Variants in PCDHA7 observed in about 807,000 individuals in gnomAD.
PCDHA7 encodes the protein protocadherin alpha-7.
In PCDHA7, 37 loss-of-function variants were observed where a neutral mutation model predicts 57.2. That is an observed-to-expected ratio of 0.65 (90% CI 0.50 to 0.85). The LOEUF (loss-of-function observed/expected upper bound fraction) is 0.85, where lower values mean the gene tolerates loss of function less well. Ranked by LOEUF, PCDHA7 falls within the 40% of genes least tolerant of loss-of-function variation. The pLI is 0.00. For synonymous variants in PCDHA7, 553 were observed against 558.8 expected, an observed-to-expected ratio of 0.99 and a Z score of 0.15; for missense variants, 1,188 against 1,241.8, an observed-to-expected ratio of 0.96 and a Z score of 0.65.
Position 140,835,837 on chromosome 5 carries a change from A to C in PCDHA7, c.1454A>C (p.Gln485Pro). Residue 485 changes from glutamine to proline, a missense_variant, in exon 1 of 4, where the codon CAG (glutamine) becomes CCG (proline). Physicochemically the swap from Gln to Pro is moderately conservative, Grantham distance 76. Around this residue, in one of 3 missense-constraint regions of PCDHA7, gnomAD observed 892 missense variants for 788.5 expected, o/e 1.13. Transcript: ENST00000525929. The part of the protein sequence containing the change: ...FTVSAGDADA[Q>P]KNALVSYSLV... ...GTGTCGGCGGGGGACGCGGACGCGC[A>C]GAAGAACGCGCTGGTGTCCTACTCG... 6.2e-7 allele frequency: 1 copy of C among 1,612,374 alleles called. No individual in the cohort carries two copies. The highest frequency in any genetic ancestry group is 8.5e-7 in the Non-Finnish European group (1 of 1,179,654).
At chr5:140,920,609 G>C (rs1319890021) in intron 1 of PCDHA7, among the ~76,000 whole-genome samples, 1 of 152,160 alleles carries the variant, frequency 6.6e-6, no homozygotes. Flanking sequence ...ACTTTGGGAG[G>C]CCGAGGCGGA....
chr5:140,876,827 C>G, intron 1 of PCDHA7: 1 of 1,614,182 alleles, frequency 6.2e-7, no homozygotes, highest in Non-Finnish European at 8.5e-7. Flanking sequence ...AACGACAATG[C>G]GCCTGCGTTC....
intron 1 of PCDHA7, among the ~76,000 whole-genome samples, chr5:140,885,665 G>A (rs2060682140): frequency 6.6e-6 from 1 of 152,114 alleles, no homozygotes; most frequent in Non-Finnish European, 1.5e-5. Flanking sequence ...CCAGTTATGA[G>A]CACTCTTTCT....
In PCDHA7 at chr5:140,836,371, C is replaced by T; in HGVS notation, c.1988C>T (p.Ala663Val). The T allele has an allele frequency of 6.2e-7, 1 of 1,613,708 alleles. No homozygotes were observed. The change falls in exon 1 of 4, where the codon GCC becomes GTC. Residue 663 changes from alanine to valine, a missense_variant. Ala to Val is a moderately conservative substitution (Grantham distance 64). Transcript: ENST00000525929. ...DHGEPSLTAT[A>V]TVLVSLVESG... ...GGGGAGCCCTCGCTGACAGCCACAGCCACCGTGCTGGTGTCGCTGGTGGAA... is the reference window on the plus strand; with the variant it reads ...GGGGAGCCCTCGCTGACAGCCACAGTCACCGTGCTGGTGTCGCTGGTGGAA...
At chr5:140,915,814 A>G (rs2077313905) in intron 1 of PCDHA7, among the ~76,000 whole-genome samples, 1 of 152,102 alleles carries the variant, frequency 6.6e-6, no homozygotes, top group African/African-American at 2.4e-5. Flanking sequence ...TGTTCACTCA[A>G]GGCCCTAGGG....
intron 1 of PCDHA7, chr5:140,864,231 T>C (rs949424981): frequency 6.6e-6 from 1 of 152,222 alleles, no homozygotes; most frequent in East Asian, 1.9e-4. Flanking sequence ...AAGCAAGTTC[T>C]TTATTCCTAT....
At chr5:140,883,957 G>T (rs879988838) in intron 1 of PCDHA7, 1 of 1,613,246 alleles carries the variant, frequency 6.2e-7, no homozygotes, top group Non-Finnish European at 8.5e-7. Context: ...ACAACGCTCC[G>T]GCGCTGCTGA....
chr5:140,876,560 C>T (rs2056422143), intron 1 of PCDHA7: 2 of 1,614,068 alleles, frequency 1.2e-6, no homozygotes, highest in African/African-American at 2.7e-5. Flanking sequence ...CAAGAGGATG[C>T]TCAGGTGGGT....
Position 140,920,446 on chromosome 5 carries a change from A to G in PCDHA7, c.2356-58503A>G, listed in dbSNP as rs2079636964. 2.6e-5 allele frequency among the ~76,000 whole-genome samples: 4 copies of G among 152,114 alleles called. No homozygotes were observed. In the South Asian group the frequency reaches 8.3e-4, roughly 31 times the overall value. On this transcript the variant is annotated intron_variant, in intron 1 of 3. Coordinates refer to ENST00000525929, the MANE Select transcript of PCDHA7 (RefSeq NM_018910.3). ...CTCCCACACACCTCTTTTATACTGT[A>G]ATTGACAAATTTGTTATATTTCTGT...
At chr5:140,889,156 G>T in intron 1 of PCDHA7, among the ~76,000 whole-genome samples, 1 of 150,034 alleles carries the variant, frequency 6.7e-6, no homozygotes, top group Admixed American at 6.6e-5. Flanking sequence ...TTTCTTCTTT[G>T]TTAAGTATTC....
chr5:140,967,980 A>G (rs1554230169), intron 1 of PCDHA7: 1 of 1,614,198 alleles, frequency 6.2e-7, no homozygotes, highest in African/African-American at 1.3e-5. Context: ...CTGGGTCTGG[A>G]GGCCACACTG....
At chr5:140,989,890 G>A (rs368567650) in intron 3 of PCDHA7, among the ~76,000 whole-genome samples, 5 of 151,974 alleles carry the variant, frequency 3.3e-5, no homozygotes, top group Middle Eastern at 3.4e-3. Context: ...TGGAGTCTCC[G>A]TTATTCACAA....
chr5:140,921,102 T>G (rs1300756897), intron 1 of PCDHA7, among the ~76,000 whole-genome samples: 1 of 152,028 alleles, frequency 6.6e-6, no homozygotes, highest in Non-Finnish European at 1.5e-5. Context: ...TGCCTCAGTC[T>G]CCTAAGTAGC....
intron 1 of PCDHA7, chr5:140,967,690 C>G (rs782694266): frequency 6.2e-7 from 1 of 1,614,190 alleles, no homozygotes; most frequent in Non-Finnish European, 8.5e-7. Flanking sequence ...GGCAGCTCTT[C>G]AGCATAGATG....
chr5:140,938,293 C>G (rs896897734), intron 1 of PCDHA7, among the ~76,000 whole-genome samples: 1 of 152,110 alleles, frequency 6.6e-6, no homozygotes, highest in African/African-American at 2.4e-5. Flanking sequence ...CTGTCATTGC[C>G]TATGAAATTC....
chr5:140,925,806 C>A (rs2082736423), intron 1 of PCDHA7, among the ~76,000 whole-genome samples: 1 of 152,148 alleles, frequency 6.6e-6, no homozygotes, highest in South Asian at 2.1e-4. Flanking sequence ...TTCCCCTCCA[C>A]TTCTCACGTC....
At chr5:140,957,398 T>A (rs1162675184) in intron 1 of PCDHA7, among the ~76,000 whole-genome samples, 1 of 152,186 alleles carries the variant, frequency 6.6e-6, no homozygotes, top group Non-Finnish European at 1.5e-5. Flanking sequence ...ATTGTCCTAA[T>A]TTATTATTAT....
In PCDHA7 at chr5:140,853,931, G is replaced by T. The variant is rs2042911351; in HGVS notation, c.2355+17193G>T. The T allele has an allele frequency of 3.5e-6, 3 of 868,826 alleles. No homozygotes were observed. The South Asian group carries it at 1.6e-4, about 45-fold the overall frequency. The allele number at this position is 868,826 out of a possible 1,614,324, so 53.8% of individuals were successfully genotyped here. A position where few individuals can be genotyped will look rare whatever the true frequency, so the allele number is the denominator to read the frequency against. ...CACCTGCAATCCCAACATTTTGGGA[G>T]GCCAAGGTGGGAGGGTCCCTTCCTT... On this transcript the variant is annotated intron_variant, in intron 1 of 3. Coordinates refer to ENST00000525929, the MANE Select transcript of PCDHA7 (RefSeq NM_018910.3).
At chr5:141,009,107 G>A (rs1329490009) in intron 3 of PCDHA7, among the ~76,000 whole-genome samples, 6 of 152,180 alleles carry the variant, frequency 3.9e-5, no homozygotes, top group African/African-American at 1.4e-4. Flanking sequence ...ATGTTACTAT[G>A]AAACTAGATT....
Sources: gnomAD v4.1 joint callset for allele counts (sites outside exome capture counted in the v4.1 genomes callset) on GRCh38, gnomAD v4.1.1 for gene constraint, gnomAD v4.1.1 regional missense constraint, MANE v1.5 for transcripts, NCBI Gene and HGNC (gene_info 2026-07-23, HGNC 2026-07-21) for gene names.